The following TTC7B variants were observed in gnomAD, a reference collection of about 807,000 sequenced individuals.
TTC7B encodes tetratricopeptide repeat protein 7B.
A neutral mutation model predicts 106.8 loss-of-function variants in TTC7B; 28 were observed. The observed-to-expected ratio is 0.26, with a 90% CI of 0.19 to 0.36. TTC7B has a LOEUF of 0.36. Among genes scored for constraint, TTC7B ranks in the 10% least tolerant of loss-of-function variants. TTC7B has a pLI of 1.00. For missense variants in TTC7B, 862 were observed against 1,076.4 expected, an observed-to-expected ratio of 0.80 and a Z score of 2.79; for synonymous variants, 405 against 430.6, an observed-to-expected ratio of 0.94 and a Z score of 0.74.
In TTC7B at chr14:90,805,210, C is replaced by T. The variant is rs541541984; in HGVS notation, c.121+10965G>A. ...CAGGGCCTCGGGCCAGTGGCTGGCA[C>T]ACAGTAGGTGTTCAGTAAGAGCTCG... On this transcript the variant is annotated intron_variant, in intron 1 of 19. Transcript: ENST00000328459. The surrounding 1 kb of genome is among the most constrained non-coding windows in gnomAD (Gnocchi z 4.0). 6.6e-6 allele frequency among the ~76,000 whole-genome samples: 1 copy of T among 152,282 alleles called. No individual in the cohort carries two copies. The highest frequency in any genetic ancestry group is 6.5e-5 in the Admixed American group (1 of 15,296).
rs1168618489 is a variant in TTC7B, at chr14:90,684,542, C to T, written c.951-4007G>A. 2.6e-5 allele frequency among the ~76,000 whole-genome samples: 4 copies of T among 152,028 alleles called. No homozygotes were observed. The South Asian group carries it at 8.3e-4, about 32-fold the overall frequency. The stretch of plus-strand genomic sequence containing the variant: ...AGGACAGTCATAAAATGAAATACCT[C>T]GCAGCAATGAAAAACACTGCTACAT... On this transcript the variant is annotated intron_variant, in intron 7 of 19. Transcript: ENST00000328459.
chr14:90,593,921 C>T (rs758687691), intron 17 of TTC7B: 61 of 260,774 alleles, frequency 2.3e-4, no homozygotes, highest in African/African-American at 4.4e-4. Flanking sequence ...ATGATACTGG[C>T]GTTTAAAAAT....
At chr14:90,587,763 T>C (rs1054254780) in intron 18 of TTC7B, among the ~76,000 whole-genome samples, 2 of 152,182 alleles carry the variant, frequency 1.3e-5, no homozygotes, top group African/African-American at 4.8e-5. Flanking sequence ...GTGGAGATGC[T>C]GGACGATACT....
intron 17 of TTC7B, chr14:90,605,554 G>A (rs75461778): frequency 0.075 from 90,841 of 1,214,860 alleles, 3,510 homozygotes; most frequent in African/African-American, 0.095. Flanking sequence ...GGTAAAACAC[G>A]CAAATGAAGT....
At chr14:90,811,966 G>A (rs1405931379) in intron 1 of TTC7B, among the ~76,000 whole-genome samples, 2 of 152,188 alleles carry the variant, frequency 1.3e-5, no homozygotes, top group Non-Finnish European at 2.9e-5. Context: ...TAGCTCAACT[G>A]TGTCATTTCT....
intron 5 of TTC7B, among the ~76,000 whole-genome samples, chr14:90,719,620 G>A (rs981663145): frequency 6.6e-6 from 1 of 152,220 alleles, no homozygotes; most frequent in Admixed American, 6.5e-5. Flanking sequence ...AGGTGAAAAG[G>A]AACAAACAGA....
intron 4 of TTC7B, among the ~76,000 whole-genome samples, chr14:90,739,755 T>C (rs1889685397): frequency 6.6e-6 from 1 of 152,252 alleles, no homozygotes; most frequent in Admixed American, 6.5e-5. Flanking sequence ...ACCCTGGCTC[T>C]ACTCCTGCTC....
intron 19 of TTC7B, among the ~76,000 whole-genome samples, chr14:90,558,208 A>C (rs1890406929): frequency 6.6e-6 from 1 of 152,246 alleles, no homozygotes; most frequent in Non-Finnish European, 1.5e-5. Context: ...GGGGGATGGC[A>C]GGTGGTCCTC....
chr14:90,608,433 T>C lies in TTC7B; in HGVS notation c.1966+2309A>G, dbSNP rs971512912. On this transcript the variant is annotated intron_variant, in intron 17 of 19. Transcript: ENST00000328459. This position sits in a 1 kb window ranked among gnomAD's most constrained non-coding sequence, Gnocchi z 5.1. ...GGCAGGAGTCTCAGAAGGACTCGCG[T>C]GGATGACTCAACAATGAAACCGTCT... is the stretch of plus-strand genomic sequence containing the variant. Among the ~76,000 whole-genome samples, 7 of 151,906 alleles carry C rather than the reference T, an allele frequency of 4.6e-5. No individual in the cohort carries two copies. The highest frequency in any genetic ancestry group is 7.4e-5 in the Non-Finnish European group (5 of 67,982).
intron 16 of TTC7B, among the ~76,000 whole-genome samples, 178 bp from the exon 17 acceptor site, chr14:90,611,017 C>T (rs1454230782): frequency 1.3e-5 from 2 of 152,200 alleles, no homozygotes; most frequent in African/African-American, 4.8e-5. Flanking sequence ...GGCTGCGATT[C>T]CTTTCAGTGT....
At chr14:90,813,185 T>C (rs186985450) in intron 1 of TTC7B, among the ~76,000 whole-genome samples, 15 of 152,344 alleles carry the variant, frequency 9.8e-5, no homozygotes, top group African/African-American at 2.6e-4. Context: ...GGCCACCCTA[T>C]TTAAACTAGT....
chr14:90,660,589 G>A (rs1249165590), intron 9 of TTC7B, among the ~76,000 whole-genome samples: 2 of 152,070 alleles, frequency 1.3e-5, no homozygotes, highest in Non-Finnish European at 2.9e-5. Context: ...ACCTTCTCTT[G>A]TGCTGCTAGG....
At chr14:90,605,476 C>T in intron 17 of TTC7B, 1 of 902,724 alleles carries the variant, frequency 1.1e-6, no homozygotes, top group Non-Finnish European at 1.4e-6. Flanking sequence ...TTCAAATGAG[C>T]AAGATTTCTC....
Position 90,575,531 on chromosome 14 carries a change from T to C in TTC7B, c.2310+2575A>G, listed in dbSNP as rs561645400. On this transcript the variant is annotated intron_variant, in intron 19 of 19. Transcript: ENST00000328459. The surrounding 1 kb of genome is among the most constrained non-coding windows in gnomAD (Gnocchi z 5.2). ...TGTGATGTCTCAGGGCTGAAGAGCC[T>C]GTGGGGTCCATGGGCTGCCCCTCCA... Among the ~76,000 whole-genome samples the C allele has an allele frequency of 6.6e-6, 1 of 152,106 alleles. No homozygotes were observed. The highest frequency in any genetic ancestry group is 1.5e-5 in the Non-Finnish European group (1 of 68,006).
intron 9 of TTC7B, among the ~76,000 whole-genome samples, chr14:90,670,701 G>C (rs1004786948): frequency 6.6e-6 from 1 of 152,128 alleles, no homozygotes; most frequent in East Asian, 1.9e-4. Flanking sequence ...TGAGAATGGA[G>C]ATCCCAGGGG....
intron 16 of TTC7B, among the ~76,000 whole-genome samples, chr14:90,611,510 T>G (rs1892875669): frequency 6.6e-6 from 1 of 152,178 alleles, no homozygotes; most frequent in Non-Finnish European, 1.5e-5. Context: ...TGTGGTTAAC[T>G]TTCCTGCTGG....
At chr14:90,662,238 G>A (rs971203098) in intron 9 of TTC7B, among the ~76,000 whole-genome samples, 8 of 152,258 alleles carry the variant, frequency 5.3e-5, no homozygotes, top group African/African-American at 1.9e-4. Flanking sequence ...CTCTGAATCT[G>A]CAGGTAGGGA....
At chr14:90,804,259 G>T (rs924506133) in intron 1 of TTC7B, among the ~76,000 whole-genome samples, 3 of 152,050 alleles carry the variant, frequency 2.0e-5, no homozygotes, top group African/African-American at 7.2e-5. Flanking sequence ...GCGTGAACCC[G>T]GGAGGCGGAG....
chr14:90,578,023 G>T lies in TTC7B; in HGVS notation c.2310+83C>A. 2.0e-6 allele frequency: 3 copies of T among 1,480,538 alleles called. No homozygotes were observed. Among genetic ancestry groups the T allele is most frequent in the Non-Finnish European group, 2.7e-6 (3 of 1,091,886 alleles). 91.7% of individuals were successfully genotyped at this position (1,480,538 alleles called of 1,614,324 possible). A position where few individuals can be genotyped will look rare whatever the true frequency, so the allele number is the denominator to read the frequency against. On this transcript the variant is annotated intron_variant, in intron 19 of 19. Coordinates refer to ENST00000328459, the MANE Select transcript of TTC7B (RefSeq NM_001010854.2). This position sits in a 1 kb window ranked among gnomAD's most constrained non-coding sequence, Gnocchi z 4.7. ...ATGGGGCCTTTGGAAGCAGAAGAGG[G>T]TGTGAGGGTCATGTGCTACCTGCCG...
Sources: gnomAD v4.1 joint callset for allele counts (sites outside exome capture counted in the v4.1 genomes callset) on GRCh38, gnomAD v4.1.1 for gene constraint, Gnocchi (gnomAD v3.1) non-coding constraint, MANE v1.5 for transcripts, NCBI Gene and HGNC (gene_info 2026-07-23, HGNC 2026-07-21) for gene names.